Variants in HMCN1 observed in about 807,000 individuals in gnomAD.
The protein encoded by HMCN1 is hemicentin 1, also known as hemicentin-1.
A neutral mutation model predicts 625.9 loss-of-function variants in HMCN1; 321 were observed. The observed-to-expected ratio is 0.51, with a 90% CI of 0.47 to 0.56. The LOEUF (loss-of-function observed/expected upper bound fraction) is 0.56. HMCN1 is among the 20% of genes least tolerant of loss of function. The pLI, the probability that HMCN1 is intolerant of heterozygous loss-of-function variation, is 0.00. For missense variants in HMCN1, 6,588 were observed against 6,887.3 expected, an observed-to-expected ratio of 0.96 and a Z score of 1.54; for synonymous variants, 2,425 against 2,417.6, an observed-to-expected ratio of 1.00 and a Z score of -0.09.
chr1:185,993,792 A>G (rs1196985873), intron 23 of HMCN1, among the ~76,000 whole-genome samples: 1 of 152,162 alleles, frequency 6.6e-6, no homozygotes, highest in Non-Finnish European at 1.5e-5. Context: ...TAGTCCATCC[A>G]GTTCTTCATT....
At chr1:185,894,716 T>A (rs552034453) in intron 4 of HMCN1, among the ~76,000 whole-genome samples, 1 of 152,358 alleles carries the variant, frequency 6.6e-6, no homozygotes, top group South Asian at 2.1e-4. Flanking sequence ...TTATTTTATT[T>A]ATTTTTTTTG....
intron 85 of HMCN1, 68 bp downstream of exon 85, chr1:186,130,765 T>G: frequency 7.6e-7 from 1 of 1,317,842 alleles, no homozygotes; most frequent in South Asian, 1.2e-5. Flanking sequence ...GTGAGTGCCA[T>G]AGATAAGAAA....
chr1:186,102,915 G>A (rs1252618474), intron 68 of HMCN1, among the ~76,000 whole-genome samples: 1 of 152,112 alleles, frequency 6.6e-6, no homozygotes, highest in Non-Finnish European at 1.5e-5. Flanking sequence ...AGAAGTATAA[G>A]TAACAAAAGA....
At chr1:186,084,521 A>G (rs1659356649) in intron 57 of HMCN1, among the ~76,000 whole-genome samples, 2 of 152,100 alleles carry the variant, frequency 1.3e-5, no homozygotes, top group Non-Finnish European at 2.9e-5. Flanking sequence ...AATTATTTTC[A>G]TGTAAAACAA....
intron 11 of HMCN1, among the ~76,000 whole-genome samples, chr1:185,955,897 C>G (rs550847403): frequency 6.6e-6 from 1 of 152,216 alleles, no homozygotes; most frequent in South Asian, 2.1e-4. Flanking sequence ...ATAGAGGTAT[C>G]CTCACTGCCT....
chr1:185,898,917 C>T (rs1457280361), intron 4 of HMCN1, among the ~76,000 whole-genome samples: 1 of 151,778 alleles, frequency 6.6e-6, no homozygotes, highest in African/African-American at 2.4e-5. Context: ...TTGATGATTG[C>T]CATTTGATTG....
At chr1:186,145,652 A>T (rs1309462894) in intron 92 of HMCN1, 79 bp downstream of exon 92, 2 of 1,610,198 alleles carry the variant, frequency 1.2e-6, no homozygotes, top group Non-Finnish European at 1.7e-6. Context: ...ATTGCTTCAG[A>T]CCTTAAAATG....
intron 1 of HMCN1, among the ~76,000 whole-genome samples, chr1:185,775,885 G>C (rs1463246024): frequency 2.0e-5 from 3 of 152,198 alleles, no homozygotes; most frequent in African/African-American, 7.2e-5. Flanking sequence ...TAACATTGTT[G>C]AAAGAGGTCA....
At chr1:185,803,260 T>C (rs545831910) in intron 1 of HMCN1, among the ~76,000 whole-genome samples, 1 of 87,282 alleles carries the variant, frequency 1.1e-5, no homozygotes, top group South Asian at 3.5e-4. Context: ...GGAGTAAATA[T>C]AGTAAGATAA....
intron 97 of HMCN1, among the ~76,000 whole-genome samples, chr1:186,155,088 G>A (rs563635053): frequency 6.6e-6 from 1 of 152,300 alleles, no homozygotes; most frequent in South Asian, 2.1e-4. Flanking sequence ...ATAGAGCCAA[G>A]TAAATTTTAA....
chr1:185,955,923 C>A (rs1452217567), intron 11 of HMCN1, among the ~76,000 whole-genome samples: 1 of 152,132 alleles, frequency 6.6e-6, no homozygotes, highest in Non-Finnish European at 1.5e-5. Flanking sequence ...TGTTATCATT[C>A]TTATTCTAGT....
Position 186,095,375 on chromosome 1 carries a change from T to G in HMCN1, c.10427T>G (p.Leu3476Arg). ...GCCTGGCTTAGAGATGGCCAGCCTC[T>G]GGGGCTTGATGCCCATCTGACAGTC... ...SMAWLRDGQP[L>R]GLDAHLTVST... Residue 3476 changes from leucine to arginine, a missense_variant, in exon 68 of 107, where the codon CTG (leucine) becomes CGG (arginine). By Grantham distance (102) the Leu-to-Arg change is moderately radical (BLOSUM62 -2). This residue lies in a region of HMCN1 where 4,628 missense variants were observed against 4,853.1 expected (regional missense o/e 0.95). Coordinates refer to ENST00000271588, the MANE Select transcript of HMCN1 (RefSeq NM_031935.3). The G allele has an allele frequency of 3.7e-6, 6 of 1,613,766 alleles. No individual in the cohort carries two copies. Among genetic ancestry groups the G allele is most frequent in the Non-Finnish European group, 5.1e-6 (6 of 1,179,858 alleles).
chr1:185,962,417 A>C, intron 11 of HMCN1, 101 bp from the exon 12 acceptor site: 1 of 920,784 alleles, frequency 1.1e-6, no homozygotes, highest in South Asian at 1.3e-5. Context: ...GGAAGGCAAT[A>C]AAGATGTGGT....
Position 186,183,553 on chromosome 1 carries a change from A to T in HMCN1, c.16414+1266A>T, listed in dbSNP as rs78623758. On this transcript the variant is annotated intron_variant, in intron 105 of 106. Coordinates refer to ENST00000271588, the MANE Select transcript of HMCN1 (RefSeq NM_031935.3). ...GTACTGGAATAATTTATTTAATCAT[A>T]TTGTTACCTTTTTCCAAAGCAACTG... 3.9e-3 allele frequency among the ~76,000 whole-genome samples: 587 copies of T among 152,318 alleles called. 7 individuals are homozygous for T. The highest frequency in any genetic ancestry group is 0.014 in the African/African-American group (566 of 41,572).
chr1:185,965,974 A>C, intron 14 of HMCN1, 59 bp downstream of exon 14: 1 of 1,081,824 alleles, frequency 9.2e-7, no homozygotes, highest in South Asian at 1.2e-5. Context: ...TTTTTAAAAA[A>C]AATGATTTGT....
intron 101 of HMCN1, 68 bp downstream of exon 101, chr1:186,171,518 T>C (rs2102635691): frequency 8.7e-7 from 1 of 1,148,296 alleles, no homozygotes; most frequent in Non-Finnish European, 1.3e-6. Flanking sequence ...CTGATCTAAA[T>C]GCATACACTG....
intron 2 of HMCN1, among the ~76,000 whole-genome samples, chr1:185,858,418 A>T (rs1216121980): frequency 2.0e-5 from 3 of 151,072 alleles, no homozygotes; most frequent in Non-Finnish European, 4.4e-5. Flanking sequence ...TAAAGGATTT[A>T]TTTTATTTAT....
intron 1 of HMCN1, among the ~76,000 whole-genome samples, chr1:185,824,503 G>C (rs1211938792): frequency 6.6e-6 from 1 of 152,096 alleles, no homozygotes; most frequent in East Asian, 1.9e-4. Flanking sequence ...CTTCTGATAA[G>C]ATACTAATAA....
chr1:186,165,127 G>A lies in HMCN1; in HGVS notation c.15273G>A (p.Gln5091=). 6.2e-7 allele frequency: 1 copy of A among 1,614,086 alleles called. No individual in the cohort carries two copies. Among genetic ancestry groups the A allele is most frequent in the South Asian group, 1.1e-5 (1 of 91,064 alleles). Residue 5091 remains glutamine (Q), a synonymous_variant, in exon 98 of 107, where the codon CAG becomes CAA. Transcript: ENST00000271588. ...ASISKGDRSN[Q]CPSGFTLDSV... ...CTGTGGTAGGAGATCGCAGTAATCA[G>A]TGCCCCTCCGGGTTTACCTTAGACT...
Sources: allele counts gnomAD v4.1 joint callset (sites outside exome capture counted in the v4.1 genomes callset), GRCh38; gene constraint gnomAD v4.1.1; regional missense constraint gnomAD v4.1.1; transcripts MANE v1.5; gene names NCBI Gene and HGNC (gene_info 2026-07-23, HGNC 2026-07-21).